Variants in OPCML observed in about 807,000 individuals in gnomAD.
OPCML encodes opioid-binding protein/cell adhesion molecule.
In OPCML, 13 loss-of-function variants were observed where a neutral mutation model predicts 37.8. The ratio of observed to expected loss-of-function variants is 0.34; its 90% CI spans 0.22 to 0.55. The LOEUF (loss-of-function observed/expected upper bound fraction) is 0.55. Ranked by LOEUF, OPCML falls within the 20% of genes least tolerant of loss-of-function variation. The probability of loss-of-function intolerance (pLI) is 0.91; values close to 1 mark genes in which losing one functional copy is unlikely to be tolerated. For missense variants in OPCML, 341 were observed against 435.6 expected, an observed-to-expected ratio of 0.78 and a Z score of 1.93; for synonymous variants, 176 against 168.8, an observed-to-expected ratio of 1.04 and a Z score of -0.33.
At chr11:132,679,210 T>C (rs1942835569) in intron 2 of OPCML, among the ~76,000 whole-genome samples, 1 of 152,128 alleles carries the variant, frequency 6.6e-6, no homozygotes, top group Non-Finnish European at 1.5e-5. Context: ...AAGTTGATCA[T>C]GAGATACTAT....
At chr11:132,936,740 A>G (rs1477782195) in intron 2 of OPCML, among the ~76,000 whole-genome samples, 1 of 152,180 alleles carries the variant, frequency 6.6e-6, no homozygotes, top group African/African-American at 2.4e-5. Context: ...CACCAGGTAT[A>G]AAAAGCATCA....
intron 3 of OPCML, among the ~76,000 whole-genome samples, chr11:132,548,003 C>T (rs1391907698): frequency 2.0e-5 from 3 of 152,174 alleles, no homozygotes; most frequent in Non-Finnish European, 4.4e-5. Flanking sequence ...GTGATGAAAA[C>T]TCATTATAGT....
chr11:132,709,774 C>T (rs1944182640), intron 2 of OPCML, among the ~76,000 whole-genome samples: 1 of 152,144 alleles, frequency 6.6e-6, no homozygotes, highest in South Asian at 2.1e-4. Context: ...GAGAGGGGCA[C>T]CAAGGCTTTA....
intron 1 of OPCML, among the ~76,000 whole-genome samples, chr11:133,183,975 G>A (rs1041141507): frequency 3.9e-5 from 6 of 152,066 alleles, no homozygotes; most frequent in Admixed American, 2.0e-4. Flanking sequence ...ACTTATTTAC[G>A]CAGCACACAC....
intron 1 of OPCML, among the ~76,000 whole-genome samples, chr11:133,009,814 A>G (rs982218827): frequency 1.3e-5 from 2 of 151,996 alleles, no homozygotes; most frequent in Non-Finnish European, 2.9e-5. Context: ...ACTGCTGGCC[A>G]CTCACCTTCT....
chr11:132,512,178 A>G (rs1284195027), intron 4 of OPCML, among the ~76,000 whole-genome samples: 2 of 152,110 alleles, frequency 1.3e-5, no homozygotes, highest in Non-Finnish European at 2.9e-5. Context: ...TAGCCTACAC[A>G]GTTATTAGAA....
At chr11:132,639,017 T>G (rs1466002019) in intron 3 of OPCML, among the ~76,000 whole-genome samples, 1 of 152,190 alleles carries the variant, frequency 6.6e-6, no homozygotes, top group Non-Finnish European at 1.5e-5. Context: ...TTTCTAGATC[T>G]TTTGACTCAC....
chr11:133,241,115 T>C (rs554260726), intron 1 of OPCML, among the ~76,000 whole-genome samples: 1 of 152,314 alleles, frequency 6.6e-6, no homozygotes, highest in Non-Finnish European at 1.5e-5. Flanking sequence ...CTGACGTCAT[T>C]TACTAGGGGC....
At chr11:133,249,525 T>C (rs1592140490) in intron 1 of OPCML, among the ~76,000 whole-genome samples, 1 of 152,196 alleles carries the variant, frequency 6.6e-6, no homozygotes, top group African/African-American at 2.4e-5. Context: ...AAATAGCTAC[T>C]GGCCCCTCCC....
intron 1 of OPCML, among the ~76,000 whole-genome samples, chr11:132,954,095 C>T (rs868798988): frequency 2.0e-4 from 30 of 151,966 alleles, no homozygotes; most frequent in African/African-American, 7.0e-4. Context: ...TTAACTAATT[C>T]ACTACTTCAT....
chr11:133,096,989 C>T (rs1455224393), intron 1 of OPCML, among the ~76,000 whole-genome samples: 1 of 152,058 alleles, frequency 6.6e-6, no homozygotes, highest in African/African-American at 2.4e-5. Context: ...GTGGACAGAT[C>T]CAGCAGGCAG....
chr11:133,382,753 G>A (rs146275312), intron 1 of OPCML, among the ~76,000 whole-genome samples: 79 of 152,192 alleles, frequency 5.2e-4, no homozygotes, highest in African/African-American at 1.8e-3. Flanking sequence ...ATCTCCCACC[G>A]ATCGATGTTC....
At chr11:133,178,184 A>G (rs944815740) in intron 1 of OPCML, among the ~76,000 whole-genome samples, 12 of 152,292 alleles carry the variant, frequency 7.9e-5, no homozygotes, top group African/African-American at 2.9e-4. Context: ...CTCAGGCCCA[A>G]AATGGGAATC....
intron 1 of OPCML, among the ~76,000 whole-genome samples, chr11:133,411,081 A>G (rs7945025): frequency 0.4 from 60,366 of 152,038 alleles, 16,465 homozygotes; most frequent in African/African-American, 0.78. Flanking sequence ...TATTAGAGGA[A>G]CAACAAATGA....
At chr11:133,531,703 G>A (rs1034300001) in intron 1 of OPCML, among the ~76,000 whole-genome samples, 7 of 151,120 alleles carry the variant, frequency 4.6e-5, no homozygotes, top group African/African-American at 9.7e-5. Flanking sequence ...GAGCAGTTCC[G>A]AAGGAAGGGA....
At chr11:132,462,677 G>T (rs940830102) in intron 4 of OPCML, among the ~76,000 whole-genome samples, 2 of 152,160 alleles carry the variant, frequency 1.3e-5, no homozygotes, top group African/African-American at 4.8e-5. Context: ...TCTCTAGAAG[G>T]GGGGAAGAAT....
chr11:132,443,075 C>G (rs1484745795), intron 4 of OPCML, among the ~76,000 whole-genome samples: 1 of 152,220 alleles, frequency 6.6e-6, no homozygotes, highest in African/African-American at 2.4e-5. Flanking sequence ...GACTGTCCTT[C>G]TAGGTTTGCT....
At chr11:133,062,691 G>A (rs1948369927) in intron 1 of OPCML, among the ~76,000 whole-genome samples, 1 of 152,208 alleles carries the variant, frequency 6.6e-6, no homozygotes, top group South Asian at 2.1e-4. Flanking sequence ...CATCCTTGGA[G>A]ACCCCACTGC....
chr11:133,088,197 A>G (rs80166590), intron 1 of OPCML, among the ~76,000 whole-genome samples: 1,751 of 151,328 alleles, frequency 0.012, 37 homozygotes, highest in African/African-American at 0.04. Context: ...AATAACCATG[A>G]ACCTTTTACA....
Sources: allele counts gnomAD v4.1 joint callset (sites outside exome capture counted in the v4.1 genomes callset), GRCh38; gene constraint gnomAD v4.1.1; transcripts MANE v1.5; gene names NCBI Gene and HGNC (gene_info 2026-07-23, HGNC 2026-07-21).